The following VPS8 variants were observed in gnomAD, a reference collection of about 807,000 sequenced individuals.
VPS8 encodes vacuolar protein sorting-associated protein 8 homolog.
VPS8 carries 129 observed loss-of-function variants against 216.4 expected under a neutral mutation model. That is an observed-to-expected ratio of 0.60 (90% CI 0.52 to 0.69). The LOEUF is 0.69. VPS8 is among the 30% of genes least tolerant of loss of function. The pLI is 0.00. For synonymous variants in VPS8, 571 were observed against 565.4 expected (o/e 1.01, Z -0.14); for missense variants, 1,531 against 1,683.5 (o/e 0.91, Z 1.59).
intron 21 of VPS8, among the ~76,000 whole-genome samples, chr3:184,874,434 G>T (rs1039393474): frequency 3.9e-5 from 6 of 152,132 alleles, no homozygotes; most frequent in African/African-American, 1.4e-4. Flanking sequence ...TGAAGATTTA[G>T]TGACTGGCCT....
intron 3 of VPS8, among the ~76,000 whole-genome samples, chr3:184,826,931 G>A (rs1718919843): frequency 1.3e-5 from 2 of 152,230 alleles, no homozygotes; most frequent in East Asian, 3.8e-4. Flanking sequence ...AGAGGACATG[G>A]TTGGTGAAGC....
Position 184,971,660 on chromosome 3 carries a change from G to A in VPS8, c.3328G>A (p.Asp1110Asn). 1 of 1,611,706 alleles carries A rather than the reference G, an allele frequency of 6.2e-7. No individual in the cohort carries two copies. The highest frequency in any genetic ancestry group is 8.5e-7 in the Non-Finnish European group (1 of 1,178,484). ...TTTTCTAAATCTAGATACCAAAGAGGATCCCTCATTGAAGGATGTTGAAGA... is the reference window on the plus strand; with the variant it reads ...TTTTCTAAATCTAGATACCAAAGAGAATCCCTCATTGAAGGATGTTGAAGA... The part of the protein sequence containing the change: ...VTHQGENTKE[D>N]PSLKDVEDTM... The change falls in exon 40 of 48, where the codon GAT (aspartate) becomes AAT (asparagine). Residue 1110 changes from aspartate (D) to asparagine (N), a missense_variant. Physicochemically the swap from Asp to Asn is conservative, Grantham distance 23. This residue lies in a region of VPS8 where 1,318 missense variants were observed against 1,468.4 expected (regional missense o/e 0.90). Coordinates refer to ENST00000625842, the MANE Select transcript of VPS8 (RefSeq NM_001009921.3).
intron 45 of VPS8, among the ~76,000 whole-genome samples, chr3:185,022,124 A>G (rs866240072): frequency 6.6e-6 from 1 of 152,160 alleles, no homozygotes; most frequent in African/African-American, 2.4e-5. Flanking sequence ...GTGAGCTCTC[A>G]TGAGATCTGA....
chr3:184,847,683 AATTTC>A (rs1214136436), intron 8 of VPS8, among the ~76,000 whole-genome samples: 14 of 152,310 alleles, frequency 9.2e-5, no homozygotes, highest in African/African-American at 3.1e-4. Flanking sequence ...TTAAATTTTT[AATTTC>A]ATTGTTTTCA....
chr3:185,026,109 G>C (rs1757308436), intron 46 of VPS8, among the ~76,000 whole-genome samples: 1 of 152,076 alleles, frequency 6.6e-6, no homozygotes, highest in Non-Finnish European at 1.5e-5. Context: ...CATTCAGCAA[G>C]TATAGTCTGC....
intron 40 of VPS8, among the ~76,000 whole-genome samples, chr3:184,977,245 CT>C (rs1396685377): frequency 1.3e-5 from 2 of 152,120 alleles, no homozygotes; most frequent in Non-Finnish European, 2.9e-5. Flanking sequence ...TTATTGGCCA[CT>C]TGCGTGTCTT....
intron 25 of VPS8, among the ~76,000 whole-genome samples, chr3:184,906,152 C>T (rs1270970702): frequency 6.6e-6 from 1 of 152,022 alleles, no homozygotes; most frequent in Non-Finnish European, 1.5e-5. Context: ...TTTCATTCAT[C>T]CTAAAGTATT....
intron 46 of VPS8, among the ~76,000 whole-genome samples, chr3:185,044,526 C>T (rs574398172): frequency 5.3e-5 from 8 of 152,182 alleles, no homozygotes; most frequent in African/African-American, 1.2e-4. Flanking sequence ...TCTGAGAAAA[C>T]GTAAACCAGT....
chr3:184,820,986 T>C (rs1204043210), intron 1 of VPS8, among the ~76,000 whole-genome samples: 2 of 152,250 alleles, frequency 1.3e-5, no homozygotes, highest in African/African-American at 2.4e-5. Flanking sequence ...CGTTCTGATA[T>C]GCTTAGCACT....
At chr3:184,872,528 A>G (rs1440386199) in intron 21 of VPS8, among the ~76,000 whole-genome samples, 1 of 152,088 alleles carries the variant, frequency 6.6e-6, no homozygotes, top group Non-Finnish European at 1.5e-5. Flanking sequence ...CTCTGTAACC[A>G]TCTAGCTTCC....
intron 8 of VPS8, among the ~76,000 whole-genome samples, chr3:184,845,033 A>G (rs555135595): frequency 3.9e-5 from 6 of 152,378 alleles, no homozygotes; most frequent in African/African-American, 1.4e-4. Context: ...CACAGATTTG[A>G]CAGTAGTAAC....
intron 29 of VPS8, among the ~76,000 whole-genome samples, chr3:184,923,836 C>T (rs1202680018): frequency 6.6e-6 from 1 of 152,192 alleles, no homozygotes; most frequent in African/African-American, 2.4e-5. Flanking sequence ...AATTTCTGCA[C>T]GGGCTTTAAA....
intron 36 of VPS8, among the ~76,000 whole-genome samples, chr3:184,942,037 A>G (rs550254409): frequency 6.6e-6 from 1 of 152,132 alleles, no homozygotes; most frequent in Non-Finnish European, 1.5e-5. Flanking sequence ...GTAGGCATTG[A>G]TGTAGATTAT....
chr3:184,914,986 G>T lies in VPS8; in HGVS notation c.2195G>T (p.Cys732Phe). ...GNKLLVYISCCLAGRAYPLGD... is the reference protein window; with the variant it reads ...GNKLLVYISCFLAGRAYPLGD... Reference sequence around the variant, plus strand: ...TTCTCATTCTTTTCTTCTAGCTGTTGTCTAGCAGGTCGTGCCTATCCCCTT... The same window carrying T: ...TTCTCATTCTTTTCTTCTAGCTGTTTTCTAGCAGGTCGTGCCTATCCCCTT... The change falls in exon 27 of 48, where the codon TGT (cysteine) becomes TTT (phenylalanine). Residue 732 changes from cysteine to phenylalanine, a missense_variant. Cys to Phe is a radical substitution (Grantham distance 205). This residue lies in a region of VPS8 where 1,318 missense variants were observed against 1,468.4 expected (regional missense o/e 0.90). Coordinates refer to ENST00000625842, the MANE Select transcript of VPS8 (RefSeq NM_001009921.3). 1 of 1,613,902 alleles carries T rather than the reference G, an allele frequency of 6.2e-7. No homozygotes were observed. The highest frequency in any genetic ancestry group is 8.5e-7 in the Non-Finnish European group (1 of 1,179,822).
rs990264739 is a variant in VPS8 at position 184,965,997 on chromosome 3, C to G, written c.3274-674C>G. On this transcript the variant is annotated intron_variant, in intron 38 of 47. Transcript: ENST00000625842. ...TTTACTCACAACCCAGTATATTAGT[C>G]TCTTCTGTGTTGCTCTAGAGGAATA... Among the ~76,000 whole-genome samples the G allele has an allele frequency of 5.3e-5, 8 of 152,162 alleles. 1 individual carries two copies. The highest frequency in any genetic ancestry group is 5.2e-4 in the Admixed American group (8 of 15,284).
At chr3:184,838,942 G>T (rs963192659) in intron 6 of VPS8, 196 bp downstream of exon 6, 1 of 488,648 alleles carries the variant, frequency 2.0e-6, no homozygotes, top group South Asian at 3.2e-5. Flanking sequence ...TACTTTTTAG[G>T]CTTTTGTTTG....
intron 34 of VPS8, among the ~76,000 whole-genome samples, chr3:184,935,521 T>C (rs1741449375): frequency 6.6e-6 from 1 of 152,128 alleles, no homozygotes; most frequent in Non-Finnish European, 1.5e-5. Flanking sequence ...CTACATTTGG[T>C]CTTTGTGTTT....
At chr3:184,870,640 T>C in intron 20 of VPS8, 76 bp from the exon 21 acceptor site, 1 of 1,066,076 alleles carries the variant, frequency 9.4e-7, no homozygotes. Flanking sequence ...TTATGTATTA[T>C]TTAGGAGAGC....
At chr3:185,016,258 G>A (rs1755775315) in intron 45 of VPS8, among the ~76,000 whole-genome samples, 1 of 152,168 alleles carries the variant, frequency 6.6e-6, no homozygotes, top group South Asian at 2.1e-4. Flanking sequence ...CCCTAAGTAG[G>A]ATTAAGGAAT....
Sources: allele counts gnomAD v4.1 joint callset (sites outside exome capture counted in the v4.1 genomes callset), GRCh38; gene constraint gnomAD v4.1.1; regional missense constraint gnomAD v4.1.1; transcripts MANE v1.5; gene names NCBI Gene and HGNC (gene_info 2026-07-23, HGNC 2026-07-21).